MYCBP2: variants seen among roughly 807,000 people sequenced by gnomAD.
MYCBP2 encodes MYC binding protein 2, also known as E3 ubiquitin-protein ligase MYCBP2.
A neutral mutation model predicts 525.3 loss-of-function variants in MYCBP2; 120 were observed. That is an observed-to-expected ratio of 0.23 (90% CI 0.20 to 0.27). The LOEUF is 0.27. Ranked by LOEUF, MYCBP2 falls within the 10% of genes least tolerant of loss-of-function variation. The pLI is 1.00. For synonymous variants in MYCBP2, 1,894 were observed against 1,955.8 expected (o/e 0.97, Z 0.83); for missense variants, 4,149 against 5,657.1 (o/e 0.73, Z 8.55).
At chr13:77,238,843 G>C (rs566391415) in intron 17 of MYCBP2, among the ~76,000 whole-genome samples, 175 of 152,244 alleles carry the variant, frequency 1.1e-3, no homozygotes, top group African/African-American at 3.9e-3. Context: ...CAAGAACTAG[G>C]GCCCAGGCCG....
rs118007583 is a variant in MYCBP2 at position 77,307,083 on chromosome 13, A to G, written c.303-10409T>C. ...ATAGAAAATTTAAGATCTAGAAAAC[A>G]GATCAGAAAAAGAATCTGGAATTCT... On this transcript the variant is annotated intron_variant, in intron 1 of 82. Transcript: ENST00000544440. 6.6e-5 allele frequency among the ~76,000 whole-genome samples: 10 copies of G among 152,302 alleles called. No homozygotes were observed. In the East Asian group the frequency reaches 1.9e-3, roughly 29 times the overall value.
At chr13:77,127,141 T>C (rs1335967721) in intron 52 of MYCBP2, among the ~76,000 whole-genome samples, 1 of 152,170 alleles carries the variant, frequency 6.6e-6, no homozygotes, top group East Asian at 1.9e-4. Flanking sequence ...TTATACTCTC[T>C]AATATTGTAC....
intron 30 of MYCBP2, 132 bp from the exon 31 acceptor site, chr13:77,186,195 T>A: frequency 1.7e-6 from 1 of 590,900 alleles, no homozygotes; most frequent in Non-Finnish European, 2.7e-6. Flanking sequence ...TTAATTGAAT[T>A]TTTTTTACTG....
chr13:77,293,657 G>A (rs1179336494), intron 2 of MYCBP2, among the ~76,000 whole-genome samples: 3 of 152,180 alleles, frequency 2.0e-5, no homozygotes, highest in Non-Finnish European at 4.4e-5. Context: ...CCTTACAAGT[G>A]AAAGAGGGAG....
chr13:77,165,436 AT>A, intron 41 of MYCBP2, 45 bp from the exon 42 acceptor site: 1 of 1,399,724 alleles, frequency 7.1e-7, no homozygotes, highest in Non-Finnish European at 9.9e-7. Context: ...AAACAATTTT[AT>A]AAAAATTTCC....
At chr13:77,152,970 C>T (rs1039348001) in intron 46 of MYCBP2, among the ~76,000 whole-genome samples, 2 of 146,314 alleles carry the variant, frequency 1.4e-5, no homozygotes, top group Non-Finnish European at 3.0e-5. Flanking sequence ...GAGGCTGAGG[C>T]AGGAGAATGG....
At position 77,110,894 on chromosome 13, in the gene MYCBP2, A is replaced by T. The variant is rs1309038695; in HGVS notation, c.8140+10479T>A. Among the ~76,000 whole-genome samples, 3 of 152,188 alleles carry T rather than the reference A, an allele frequency of 2.0e-5. No homozygotes were observed. The East Asian group carries it at 5.8e-4, about 29-fold the overall frequency. On this transcript the variant is annotated intron_variant, in intron 55 of 82. Coordinates refer to ENST00000544440, the MANE Select transcript of MYCBP2 (RefSeq NM_015057.5). The stretch of plus-strand genomic sequence containing the variant: ...TCTCATCTCAAAATGAGAGCTGGAT[A>T]ACTTCTTAGGCCCCTAGAACACTTG...
At position 77,061,255 on chromosome 13, in the gene MYCBP2, C is replaced by G. The variant is rs765874877; in HGVS notation, c.12950G>C (p.Gly4317Ala). ...CCAGAACAATTTGGTTCTACCACAA[C>G]CTTCATGAAGGTCAACCTTTATAGC... is the stretch of plus-strand genomic sequence containing the variant. The part of the protein sequence containing the change: ...EEAIKVDLHE[G>A]CGRTKLFWLM... The change falls in exon 76 of 83, where the codon GGT (glycine) becomes GCT (alanine). Residue 4317 changes from glycine (G) to alanine (A), a missense_variant. This residue lies in a region of MYCBP2 where 220 missense variants were observed against 396.0 expected (regional missense o/e 0.56). Transcript: ENST00000544440. The G allele has an allele frequency of 6.2e-7, 1 of 1,612,240 alleles. No homozygotes were observed. The highest frequency in any genetic ancestry group is 1.1e-5 in the South Asian group (1 of 90,748).
chr13:77,289,165 C>T (rs546963477), intron 2 of MYCBP2, among the ~76,000 whole-genome samples: 75 of 151,878 alleles, frequency 4.9e-4, no homozygotes, highest in Non-Finnish European at 7.8e-4. Context: ...AACACTTGGT[C>T]CCAAATATTC....
At chr13:77,171,413 C>A (rs73241420) in intron 38 of MYCBP2, 79 bp downstream of exon 38, 22,992 of 1,366,890 alleles carry the variant, frequency 0.017, 267 homozygotes, top group Middle Eastern at 0.053. Flanking sequence ...TAATAGAAGG[C>A]TCCTCTTCAA....
intron 4 of MYCBP2, among the ~76,000 whole-genome samples, chr13:77,277,775 T>C (rs1229526501): frequency 6.6e-6 from 1 of 152,118 alleles, no homozygotes; most frequent in African/African-American, 2.4e-5. Flanking sequence ...TAATGAGAAT[T>C]GAGAACCACA....
intron 18 of MYCBP2, among the ~76,000 whole-genome samples, chr13:77,232,211 G>A (rs752805997): frequency 3.3e-5 from 5 of 151,822 alleles, no homozygotes; most frequent in Admixed American, 6.6e-5. Flanking sequence ...TGACAATTTT[G>A]CAGCAAAAAA....
intron 46 of MYCBP2, among the ~76,000 whole-genome samples, chr13:77,153,395 A>G (rs968328679): frequency 4.6e-5 from 7 of 152,210 alleles, no homozygotes; most frequent in Non-Finnish European, 1.0e-4. Context: ...CAAGTAAATG[A>G]GCCACACGAC....
At chr13:77,108,841 C>A (rs529199117) in intron 55 of MYCBP2, among the ~76,000 whole-genome samples, 1 of 152,070 alleles carries the variant, frequency 6.6e-6, no homozygotes, top group South Asian at 2.1e-4. Context: ...GTAGCTGGGA[C>A]TACAGGTGCC....
chr13:77,274,375 G>T (rs1804205413), intron 4 of MYCBP2, among the ~76,000 whole-genome samples: 1 of 152,146 alleles, frequency 6.6e-6, no homozygotes, highest in African/African-American at 2.4e-5. Flanking sequence ...AGACATCTGG[G>T]TATTTCTTCC....
intron 46 of MYCBP2, among the ~76,000 whole-genome samples, chr13:77,154,840 T>G (rs1280029518): frequency 1.3e-5 from 2 of 152,076 alleles, no homozygotes; most frequent in South Asian, 2.1e-4. Context: ...TAATTTGTGA[T>G]GCTTTTTGCA....
chr13:77,072,055 G>A (rs1364673099), intron 68 of MYCBP2, among the ~76,000 whole-genome samples: 5 of 152,032 alleles, frequency 3.3e-5, no homozygotes, highest in Non-Finnish European at 7.4e-5. Flanking sequence ...TTGGGAGGCC[G>A]AGGTGGGTGG....
chr13:77,147,580 T>C (rs1040631761), intron 47 of MYCBP2, among the ~76,000 whole-genome samples: 3 of 152,062 alleles, frequency 2.0e-5, no homozygotes, highest in Admixed American at 2.0e-4. Flanking sequence ...CCCTTTTTGT[T>C]TTCATAAAAA....
chr13:77,285,668 C>A (rs1055770580), intron 3 of MYCBP2, among the ~76,000 whole-genome samples: 6 of 152,060 alleles, frequency 3.9e-5, no homozygotes, highest in Non-Finnish European at 8.8e-5. Context: ...TGCCTGTAAT[C>A]CCAGCTACTC....
Sources: gnomAD v4.1 joint callset for allele counts (sites outside exome capture counted in the v4.1 genomes callset) on GRCh38, gnomAD v4.1.1 for gene constraint, gnomAD v4.1.1 regional missense constraint, MANE v1.5 for transcripts, NCBI Gene and HGNC (gene_info 2026-07-23, HGNC 2026-07-21) for gene names.